Variants in ABCA1 observed in about 807,000 individuals in gnomAD.
The protein encoded by ABCA1 is ATP binding cassette subfamily A member 1.
In ABCA1, 133 loss-of-function variants were observed where a neutral mutation model predicts 262.5. The observed-to-expected ratio is 0.51, with a 90% CI of 0.44 to 0.59. ABCA1 has a LOEUF of 0.59. Ranked by LOEUF, ABCA1 falls within the 20% of genes least tolerant of loss-of-function variation. The pLI is 0.00. For synonymous variants in ABCA1, 1,022 were observed against 1,043.5 expected (o/e 0.98, Z 0.40); for missense variants, 2,452 against 2,777.5 (o/e 0.88, Z 2.63).
intron 6 of ABCA1, 149 bp downstream of exon 6, chr9:104,861,530 A>G (rs960694396): frequency 8.8e-7 from 1 of 1,139,118 alleles, no homozygotes; most frequent in Non-Finnish European, 1.3e-6. Flanking sequence ...CTGCCTGAAT[A>G]GGGAAGTAAA....
chr9:104,798,440 G>C lies in ABCA1; in HGVS notation c.5102C>G (p.Ser1701Cys), dbSNP rs1342625921. 1.9e-6 allele frequency: 3 copies of C among 1,614,158 alleles called. No homozygotes were observed. In the South Asian group the frequency reaches 3.3e-5, roughly 18 times the overall value. The part of the protein sequence containing the change: ...SGVKPVIYWL[S>C]NFVWDMCNYV... ...CCTTACCATATCCCAGACAAAATTA[G>C]AGAGCCAGTAGATGACAGGCTTCAC... Residue 1701 changes from serine (S) to cysteine (C), a missense_variant, in exon 37 of 50, where the codon TCT becomes TGT. Coordinates refer to ENST00000374736, the MANE Select transcript of ABCA1 (RefSeq NM_005502.4).
rs1828709090 is a variant in ABCA1 at position 104,784,212 on chromosome 9, T to C, written c.*103A>G. ...ATCAGTACAGTATCCAGTTTACTTC[T>C]TCCCACATCAACTTCTGGCTCTTTT... On this transcript the variant is annotated 3_prime_UTR_variant, in exon 50 of 50. Transcript: ENST00000374736. 1 of 1,469,430 alleles carries C rather than the reference T, an allele frequency of 6.8e-7. No individual in the cohort carries two copies. The highest frequency in any genetic ancestry group is 2.3e-5 in the East Asian group (1 of 44,136). 91.0% of individuals were successfully genotyped at this position (1,469,430 alleles called of 1,614,324 possible). A position where few individuals can be genotyped will look rare whatever the true frequency, so the allele number is the denominator to read the frequency against.
chr9:104,837,033 T>G lies in ABCA1; in HGVS notation c.1258A>C (p.Ser420Arg). 6.2e-7 allele frequency: 1 copy of G among 1,614,154 alleles called. No individual in the cohort carries two copies. ...HDLEGMWEELSPKIWTFMENS... is the reference protein window; with the variant it reads ...HDLEGMWEELRPKIWTFMENS... ...TCCATGAAGGTCCAGATCTTGGGGCTGAGTTCCTCCCACATGCCTTCCAGA... is the reference window on the plus strand; with the variant it reads ...TCCATGAAGGTCCAGATCTTGGGGCGGAGTTCCTCCCACATGCCTTCCAGA... The change falls in exon 11 of 50, where the codon AGC (serine) becomes CGC (arginine). Residue 420 changes from serine (S) to arginine (R), a missense_variant. Physicochemically the swap from Ser to Arg is moderately radical, Grantham distance 110. Coordinates refer to ENST00000374736, the MANE Select transcript of ABCA1 (RefSeq NM_005502.4).
chr9:104,805,865 G>A (rs1830715342), intron 31 of ABCA1, among the ~76,000 whole-genome samples: 1 of 152,238 alleles, frequency 6.6e-6, no homozygotes. Flanking sequence ...AGCACTTTGG[G>A]AGGCCGAGGC....
Position 104,834,215 on chromosome 9 carries a change from A to G in ABCA1, c.1312-1444T>C. On this transcript the variant is annotated intron_variant, in intron 11 of 49. Transcript: ENST00000374736. ...TTTAGTCTATTTCCAATTTCTCACAATAACAATATAGCAATAACATTTTCT... is the reference window on the plus strand; with the variant it reads ...TTTAGTCTATTTCCAATTTCTCACAGTAACAATATAGCAATAACATTTTCT... Among the ~76,000 whole-genome samples, 2 of 149,866 alleles carry G rather than the reference A, an allele frequency of 1.3e-5. 1 individual carries two copies.
chr9:104,903,680 G>C lies in ABCA1; in HGVS notation c.-1C>G, dbSNP rs771913829. On this transcript the variant is annotated 5_prime_UTR_variant, in exon 2 of 50. Transcript: ENST00000374736. ...ACCTCAGCTGAGGCCAACAAGCCAT[G>C]TTCCCTCAGCCAGCACCCCCAGCGT... is the stretch of plus-strand genomic sequence containing the variant. The C allele has an allele frequency of 6.3e-7, 1 of 1,578,308 alleles. No homozygotes were observed.
At chr9:104,860,317 G>T (rs1335530912) in intron 6 of ABCA1, among the ~76,000 whole-genome samples, 2 of 152,132 alleles carry the variant, frequency 1.3e-5, no homozygotes, top group East Asian at 3.9e-4. Flanking sequence ...TTGGCAGGGG[G>T]CAATGGAAAT....
intron 23 of ABCA1, among the ~76,000 whole-genome samples, chr9:104,818,378 C>T (rs12338782): frequency 0.041 from 6,315 of 152,254 alleles, 168 homozygotes; most frequent in Non-Finnish European, 0.067. Context: ...TACCTCTTGA[C>T]AAGTCTCTTT....
At chr9:104,795,529 T>C (rs941703896) in intron 39 of ABCA1, among the ~76,000 whole-genome samples, 3 of 152,154 alleles carry the variant, frequency 2.0e-5, no homozygotes, top group Non-Finnish European at 4.4e-5. Flanking sequence ...CCACTGAGTG[T>C]GACAGGGATG....
chr9:104,878,718 C>T (rs766964415), intron 5 of ABCA1, among the ~76,000 whole-genome samples: 1 of 152,128 alleles, frequency 6.6e-6, no homozygotes, highest in African/African-American at 2.4e-5. Flanking sequence ...ACAGAATCAA[C>T]TAATTTATCT....
At chr9:104,847,753 G>A (rs894046202) in intron 7 of ABCA1, among the ~76,000 whole-genome samples, 3 of 152,184 alleles carry the variant, frequency 2.0e-5, no homozygotes, top group Non-Finnish European at 2.9e-5. Context: ...GAAGGCTTGG[G>A]ATAAAATGCC....
Position 104,840,390 on chromosome 9 carries a change from C to T in ABCA1, c.943G>A (p.Gly315Arg). 1 of 1,614,218 alleles carries T rather than the reference C, an allele frequency of 6.2e-7. No homozygotes were observed. The highest frequency in any genetic ancestry group is 8.5e-7 in the Non-Finnish European group (1 of 1,180,046). Residue 315 changes from glycine to arginine, a missense_variant, in exon 9 of 50, where the codon GGG (glycine) becomes AGG (arginine). Gly to Arg is a moderately radical substitution (Grantham distance 125). Coordinates refer to ENST00000374736, the MANE Select transcript of ABCA1 (RefSeq NM_005502.4). ...TTGAGAGACTTGATCTTCAGCCCCC[C>T]TCCCTCGGGATGCCCGCAGACAATA... The part of the protein sequence containing the change: ...SRIVCGHPEG[G>R]GLKIKSLNWY...
rs1167097190 is a variant in ABCA1 at position 104,783,891 on chromosome 9, T to C, written c.*424A>G. 2 of 175,032 alleles carry C rather than the reference T, an allele frequency of 1.1e-5. No individual in the cohort carries two copies. Among genetic ancestry groups the C allele is most frequent in the African/African-American group, 4.8e-5 (2 of 41,664 alleles). The allele number at this position is 175,032 out of a possible 1,614,324, so 10.8% of individuals were successfully genotyped here. On this transcript the variant is annotated 3_prime_UTR_variant, in exon 50 of 50. Coordinates refer to ENST00000374736, the MANE Select transcript of ABCA1 (RefSeq NM_005502.4). ...CCAGTCTCCTGGGCATGGCATGGCT[T>C]AGTGAATGAGGATGTGCATTACCTT... is the stretch of plus-strand genomic sequence containing the variant.
At chr9:104,830,800 G>C (rs1053250561) in intron 14 of ABCA1, 125 bp downstream of exon 14, 1 of 1,126,386 alleles carries the variant, frequency 8.9e-7, no homozygotes, top group South Asian at 1.2e-5. Context: ...TGCAACTGTT[G>C]ACAACTTACA....
chr9:104,799,171 T>C (rs28690796), intron 36 of ABCA1, among the ~76,000 whole-genome samples: 3,360 of 152,244 alleles, frequency 0.022, 43 homozygotes, highest in African/African-American at 0.037. Flanking sequence ...ATTAGTATCC[T>C]GTAGGAGTAA....
intron 1 of ABCA1, among the ~76,000 whole-genome samples, chr9:104,926,301 T>C (rs2118567674): frequency 6.6e-6 from 1 of 152,250 alleles, no homozygotes; most frequent in South Asian, 2.1e-4. Flanking sequence ...AGACAACTTT[T>C]TTCTTTGTTT....
At chr9:104,861,928 C>T (rs56209001) in intron 5 of ABCA1, 128 bp from the exon 6 acceptor site, 28,040 of 842,962 alleles carry the variant, frequency 0.033, 597 homozygotes, top group Non-Finnish European at 0.04. Context: ...GCTAAACACA[C>T]ACAGGAATGA....
chr9:104,912,620 A>C (rs544500157), intron 1 of ABCA1, among the ~76,000 whole-genome samples: 1 of 152,270 alleles, frequency 6.6e-6, no homozygotes, highest in South Asian at 2.1e-4. Flanking sequence ...TAGAACTACG[A>C]AGAAACTCTA....
intron 44 of ABCA1, 117 bp from the exon 45 acceptor site, chr9:104,788,684 T>C (rs1216599119): frequency 7.8e-7 from 1 of 1,284,098 alleles, no homozygotes; most frequent in Admixed American, 1.7e-5. Flanking sequence ...CCAATACATC[T>C]GCTGCTACTT....
Sources: gnomAD v4.1 joint callset for allele counts (sites outside exome capture counted in the v4.1 genomes callset) on GRCh38, gnomAD v4.1.1 for gene constraint, MANE v1.5 for transcripts, NCBI Gene and HGNC (gene_info 2026-07-23, HGNC 2026-07-21) for gene names.